SCUBE1: variants seen among roughly 807,000 people sequenced by gnomAD.
The protein encoded by SCUBE1 is signal peptide, CUB and EGF-like domain-containing protein 1.
In SCUBE1, 59 loss-of-function variants were observed where a neutral mutation model predicts 124.4. The observed-to-expected ratio is 0.47, with a 90% CI of 0.38 to 0.59. The LOEUF (loss-of-function observed/expected upper bound fraction) is 0.59. Ranked by LOEUF, SCUBE1 falls within the 20% of genes least tolerant of loss-of-function variation. The pLI is 0.00. For missense variants in SCUBE1, 1,150 were observed against 1,371.2 expected (o/e 0.84, Z 2.55); for synonymous variants, 545 against 550.9 (o/e 0.99, Z 0.15).
At chr22:43,275,764 G>A (rs535901185) in intron 4 of SCUBE1, among the ~76,000 whole-genome samples, 11 of 152,358 alleles carry the variant, frequency 7.2e-5, no homozygotes, top group South Asian at 2.1e-4. Flanking sequence ...CACGTGTGCC[G>A]TAACAGGGAG....
intron 5 of SCUBE1, among the ~76,000 whole-genome samples, chr22:43,259,092 G>C (rs1923777093): frequency 6.6e-6 from 1 of 152,212 alleles, no homozygotes; most frequent in Non-Finnish European, 1.5e-5. Context: ...GCTGAAAAGG[G>C]GGCAGAACAG....
rs1360346952 is a variant in SCUBE1, at chr22:43,199,399, G to C, written c.*4598C>G. ...AAGAACGAGCGTGCATGAAAAGGGGGGCCATTCAGACAGAAAACTACGCTC... is the reference window on the plus strand; with the variant it reads ...AAGAACGAGCGTGCATGAAAAGGGGCGCCATTCAGACAGAAAACTACGCTC... On this transcript the variant is annotated 3_prime_UTR_variant, in exon 22 of 22. Coordinates refer to ENST00000360835, the MANE Select transcript of SCUBE1 (RefSeq NM_173050.5). 1 of 151,824 alleles carries C rather than the reference G, an allele frequency of 6.6e-6. No individual in the cohort carries two copies. The highest frequency in any genetic ancestry group is 6.5e-5 in the Admixed American group (1 of 15,276). 9.4% of individuals were successfully genotyped at this position (151,824 alleles called of 1,614,324 possible). A position where few individuals can be genotyped will look rare whatever the true frequency, so the allele number is the denominator to read the frequency against.
At chr22:43,286,164 T>A (rs761042767) in intron 4 of SCUBE1, among the ~76,000 whole-genome samples, 2 of 152,264 alleles carry the variant, frequency 1.3e-5, no homozygotes, top group East Asian at 3.8e-4. Flanking sequence ...AGCCCGTGTT[T>A]ATTGAAACTG....
At chr22:43,309,211 G>A (rs1926087114) in intron 3 of SCUBE1, among the ~76,000 whole-genome samples, 3 of 152,180 alleles carry the variant, frequency 2.0e-5, no homozygotes, top group Admixed American at 6.5e-5. Context: ...TAGCTCATTC[G>A]CATCTGTTGA....
At chr22:43,310,028 C>T (rs894712578) in intron 3 of SCUBE1, among the ~76,000 whole-genome samples, 5 of 152,170 alleles carry the variant, frequency 3.3e-5, no homozygotes. Flanking sequence ...TGGAACATGT[C>T]AATCCCTGGT....
At chr22:43,226,499 G>A (rs1030898207) in intron 10 of SCUBE1, among the ~76,000 whole-genome samples, 16 of 152,146 alleles carry the variant, frequency 1.1e-4, no homozygotes, top group Non-Finnish European at 1.8e-4. Context: ...CGAAGTCAGT[G>A]AGGCTGGCGT....
Position 43,210,083 on chromosome 22 carries a change from G to A in SCUBE1, c.2541C>T (p.Ile847=), listed in dbSNP as rs1205935632. ...LIVVPEIFLP[I]EDECGDVLVM... ...CCAGAACATCGCCGCACTCATCCTC[G>A]ATGGGCAGGAAGATCTCAGGGACCA... is the stretch of plus-strand genomic sequence containing the variant. The change falls in exon 19 of 22, where the codon ATC becomes ATT. Residue 847 remains isoleucine (I), a synonymous_variant. Transcript: ENST00000360835. This position sits in a 1 kb window ranked among gnomAD's most constrained non-coding sequence, Gnocchi z 4.5. 3.7e-6 allele frequency: 6 copies of A among 1,612,460 alleles called. No homozygotes were observed. The Admixed American group carries it at 8.3e-5, about 22-fold the overall frequency.
At chr22:43,301,418 C>T (rs1489183880) in intron 3 of SCUBE1, among the ~76,000 whole-genome samples, 1 of 152,326 alleles carries the variant, frequency 6.6e-6, no homozygotes, top group South Asian at 2.1e-4. Flanking sequence ...TCACCCGCCT[C>T]CAGCCAGGCT....
At chr22:43,212,083 GCTCCTGCCCCCACA>G (rs965479823) in intron 17 of SCUBE1, among the ~76,000 whole-genome samples, 63 of 151,974 alleles carry the variant, frequency 4.1e-4, no homozygotes, top group East Asian at 1.4e-3. Context: ...CCCTGATCCC[GCTCCTGCCCCCACA>G]CTCCTGCCCC....
chr22:43,340,310 A>C (rs2079106437), intron 1 of SCUBE1, among the ~76,000 whole-genome samples: 1 of 152,088 alleles, frequency 6.6e-6, no homozygotes, highest in Admixed American at 6.5e-5. Context: ...TCATGTCCCA[A>C]CTTATAAATG....
chr22:43,282,382 A>T (rs1027454600), intron 4 of SCUBE1: 3 of 152,296 alleles, frequency 2.0e-5, no homozygotes, highest in African/African-American at 7.2e-5. Context: ...TCATTCCAGG[A>T]AAGTGACGGG....
chr22:43,271,823 G>A (rs527237925), intron 4 of SCUBE1, among the ~76,000 whole-genome samples: 5 of 152,122 alleles, frequency 3.3e-5, no homozygotes, highest in East Asian at 1.9e-4. Flanking sequence ...TACCCAGAGC[G>A]CCCCTGTGTC....
At chr22:43,286,085 G>GGGGCCCT (rs1402372193) in intron 4 of SCUBE1, among the ~76,000 whole-genome samples, 2 of 152,198 alleles carry the variant, frequency 1.3e-5, no homozygotes, top group African/African-American at 4.8e-5. Context: ...GGCTTGTTGT[G>GGGGCCCT]GGGCCCTGGG....
At chr22:43,206,561 G>A (rs1006913822) in intron 21 of SCUBE1, among the ~76,000 whole-genome samples, 3 of 152,142 alleles carry the variant, frequency 2.0e-5, no homozygotes, top group Non-Finnish European at 2.9e-5. Context: ...TGCAAAGGGT[G>A]TGCCCAGGTC....
At chr22:43,266,196 T>TCAGGCCCGCGCGAGCCAGG (rs1480330028) in intron 4 of SCUBE1, among the ~76,000 whole-genome samples, 3 of 152,134 alleles carry the variant, frequency 2.0e-5, no homozygotes, top group Non-Finnish European at 4.4e-5. Context: ...GATGCCCCAG[T>TCAGGCCCGCGCGAGCCAGG]CAGGCCCGCG....
intron 3 of SCUBE1, among the ~76,000 whole-genome samples, chr22:43,305,399 A>C (rs1925930043): frequency 6.6e-6 from 1 of 152,200 alleles, no homozygotes; most frequent in Non-Finnish European, 1.5e-5. Flanking sequence ...GAGAGTTGGC[A>C]GGGAGGGCAA....
chr22:43,277,272 T>C (rs940174056), intron 4 of SCUBE1, among the ~76,000 whole-genome samples: 2 of 152,072 alleles, frequency 1.3e-5, no homozygotes, highest in African/African-American at 4.8e-5. Context: ...AAGGACAGGC[T>C]GCAGAGAACC....
At chr22:43,207,976 G>A (rs1254036198) in intron 20 of SCUBE1, 96 bp downstream of exon 20, 9 of 1,386,098 alleles carry the variant, frequency 6.5e-6, no homozygotes, top group Admixed American at 1.7e-5. Flanking sequence ...CTGCCAGGTC[G>A]CAGCTCCCTG....
At chr22:43,310,889 C>T (rs2146774397) in intron 3 of SCUBE1, among the ~76,000 whole-genome samples, 1 of 152,272 alleles carries the variant, frequency 6.6e-6, no homozygotes, top group Non-Finnish European at 1.5e-5. Flanking sequence ...TGCAATCCTC[C>T]CACCTCAGCC....
Sources: allele counts gnomAD v4.1 joint callset (sites outside exome capture counted in the v4.1 genomes callset), GRCh38; gene constraint gnomAD v4.1.1; non-coding constraint Gnocchi (gnomAD v3.1); transcripts MANE v1.5; gene names NCBI Gene and HGNC (gene_info 2026-07-23, HGNC 2026-07-21).